Variants in WWOX observed in about 807,000 individuals in gnomAD.
The protein encoded by WWOX is WW domain-containing oxidoreductase.
In WWOX, 69 loss-of-function variants were observed where a neutral mutation model predicts 46.2. That is an observed-to-expected ratio of 1.49 (90% CI 1.23 to 1.82). The LOEUF is 1.82. WWOX is among the 40% of genes most tolerant of loss of function. The probability of loss-of-function intolerance (pLI) is 0.00; values close to 1 mark genes in which losing one functional copy is unlikely to be tolerated. For missense variants in WWOX, 919 were observed against 542.6 expected (o/e 1.69, Z -6.89); for synonymous variants, 359 against 202.6 (o/e 1.77, Z -6.56).
intron 8 of WWOX, among the ~76,000 whole-genome samples, chr16:78,584,506 T>G (rs1340103398): frequency 6.6e-6 from 1 of 152,250 alleles, no homozygotes; most frequent in East Asian, 1.9e-4. Flanking sequence ...CAAGGACTGT[T>G]CTAAGCCCGG....
At chr16:78,425,881 C>G (rs893422794) in intron 7 of WWOX, among the ~76,000 whole-genome samples, 1 of 152,044 alleles carries the variant, frequency 6.6e-6, no homozygotes, top group South Asian at 2.1e-4. Context: ...TTTCCTCCTT[C>G]TTCTCCGTCT....
chr16:78,357,223 C>G (rs939859387), intron 5 of WWOX, among the ~76,000 whole-genome samples: 1 of 152,114 alleles, frequency 6.6e-6, no homozygotes, highest in South Asian at 2.1e-4. Flanking sequence ...TAGCTGGGTT[C>G]TCTGGATGGT....
At chr16:78,504,619 T>C (rs541435944) in intron 8 of WWOX, among the ~76,000 whole-genome samples, 281 of 152,304 alleles carry the variant, frequency 1.8e-3, no homozygotes, top group Non-Finnish European at 2.8e-3. Context: ...TTCTTTCCCC[T>C]TTAGCACCCA....
chr16:79,173,002 C>G (rs1226640549), intron 8 of WWOX, among the ~76,000 whole-genome samples: 1 of 152,206 alleles, frequency 6.6e-6, no homozygotes, highest in Non-Finnish European at 1.5e-5. Flanking sequence ...GGCTGTGTGA[C>G]AGAGCAAGAC....
At chr16:78,911,251 C>G (rs1055437406) in intron 8 of WWOX, among the ~76,000 whole-genome samples, 1 of 151,982 alleles carries the variant, frequency 6.6e-6, no homozygotes, top group Non-Finnish European at 1.5e-5. Context: ...GATTTCCATT[C>G]AAATCTGTTT....
chr16:78,190,907 G>T (rs2035863726), intron 5 of WWOX, among the ~76,000 whole-genome samples: 1 of 152,026 alleles, frequency 6.6e-6, no homozygotes, highest in South Asian at 2.1e-4. Context: ...CCCATTTGTT[G>T]TTTTTTTGGG....
chr16:78,509,642 C>T (rs1390841793), intron 8 of WWOX, among the ~76,000 whole-genome samples: 3 of 152,082 alleles, frequency 2.0e-5, no homozygotes, highest in African/African-American at 4.8e-5. Flanking sequence ...TGAAAAGCAG[C>T]GATGGCAGGA....
chr16:78,153,277 C>T (rs1333776828), intron 4 of WWOX, among the ~76,000 whole-genome samples: 1 of 152,090 alleles, frequency 6.6e-6, no homozygotes, highest in African/African-American at 2.4e-5. Flanking sequence ...TCTGGAAATG[C>T]CTGTGGGGGA....
At chr16:78,512,908 C>A (rs1312687871) in intron 8 of WWOX, among the ~76,000 whole-genome samples, 1 of 152,188 alleles carries the variant, frequency 6.6e-6, no homozygotes, top group Admixed American at 6.5e-5. Context: ...CCCAGTCTTA[C>A]TTTTCAGGCA....
intron 8 of WWOX, among the ~76,000 whole-genome samples, chr16:78,978,960 C>T (rs2046626525): frequency 6.6e-6 from 1 of 152,088 alleles, no homozygotes; most frequent in African/African-American, 2.4e-5. Context: ...CCCCACTTTA[C>T]TCTCCCCTAC....
Position 78,575,040 on chromosome 16 carries a change from T to A in WWOX, c.1056+142288T>A, listed in dbSNP as rs1476614566. 6.8e-3 allele frequency among the ~76,000 whole-genome samples: 28 copies of A among 4,102 alleles called. 2 individuals are homozygous for A. The highest frequency in any genetic ancestry group is 0.011 in the East Asian group (1 of 92). The allele number at this position is 4,102 out of a possible 152,430, so 2.7% of individuals were successfully genotyped here. On this transcript the variant is annotated intron_variant, in intron 8 of 8. Transcript: ENST00000566780. ...ATATATAAATATATATATATATATA[T>A]ATATATATATATATATATATATATA...
chr16:78,485,871 G>A (rs1040993194), intron 8 of WWOX, among the ~76,000 whole-genome samples: 1 of 152,174 alleles, frequency 6.6e-6, no homozygotes, highest in South Asian at 2.1e-4. Context: ...ATGTCAGCAT[G>A]GATCACTTGG....
intron 4 of WWOX, among the ~76,000 whole-genome samples, chr16:78,144,049 C>G (rs954505195): frequency 6.6e-6 from 1 of 152,132 alleles, no homozygotes; most frequent in Middle Eastern, 3.4e-3. Context: ...AACCACCACC[C>G]CAGTCAAGAT....
intron 8 of WWOX, among the ~76,000 whole-genome samples, chr16:78,964,139 A>G (rs1193621886): frequency 6.6e-6 from 1 of 152,212 alleles, no homozygotes; most frequent in African/African-American, 2.4e-5. Flanking sequence ...TGGTACCAGT[A>G]GAGTGGGGCA....
chr16:78,992,059 T>G (rs1385657071), intron 8 of WWOX, among the ~76,000 whole-genome samples: 1 of 152,192 alleles, frequency 6.6e-6, no homozygotes, highest in Admixed American at 6.5e-5. Flanking sequence ...ATGCATGCAT[T>G]AATTCGTTCA....
chr16:78,872,905 C>G (rs919773717), intron 8 of WWOX: 2 of 152,336 alleles, frequency 1.3e-5, no homozygotes, highest in Non-Finnish European at 2.9e-5. Flanking sequence ...TCAAGCAGTC[C>G]TCCCATGTTG....
intron 8 of WWOX, among the ~76,000 whole-genome samples, chr16:79,001,103 C>G (rs146970071): frequency 6.6e-6 from 1 of 152,306 alleles, no homozygotes; most frequent in East Asian, 1.9e-4. Context: ...GTACTATGAA[C>G]TTTAATTAAA....
At chr16:78,141,765 A>G (rs1475705855) in intron 4 of WWOX, among the ~76,000 whole-genome samples, 3 of 151,976 alleles carry the variant, frequency 2.0e-5, no homozygotes, top group African/African-American at 4.8e-5. Flanking sequence ...TTTTTTTTGG[A>G]TAGAAATTTA....
At chr16:79,052,441 C>G (rs895481397) in intron 8 of WWOX, among the ~76,000 whole-genome samples, 16 of 152,124 alleles carry the variant, frequency 1.1e-4, no homozygotes, top group East Asian at 5.8e-4. Context: ...GGTGTATACC[C>G]AAAGGACTAT....
Sources: gnomAD v4.1 joint callset for allele counts (sites outside exome capture counted in the v4.1 genomes callset) on GRCh38, gnomAD v4.1.1 for gene constraint, MANE v1.5 for transcripts, NCBI Gene and HGNC (gene_info 2026-07-23, HGNC 2026-07-21) for gene names.